SH3BP4: variants seen among roughly 807,000 people sequenced by gnomAD.
SH3BP4 encodes the protein SH3 domain-binding protein 4.
Under a neutral mutation model 65.5 loss-of-function variants are expected in SH3BP4, and 33 were observed. The observed-to-expected ratio is 0.50, with a 90% CI of 0.38 to 0.67. SH3BP4 has a LOEUF of 0.67. SH3BP4 is among the 30% of genes least tolerant of loss of function. SH3BP4 has a pLI of 0.00. For synonymous variants in SH3BP4, 552 were observed against 545.5 expected, an observed-to-expected ratio of 1.01 and a Z score of -0.17; for missense variants, 1,134 against 1,261.4, an observed-to-expected ratio of 0.90 and a Z score of 1.53.
chr2:235,033,781 C>T lies in SH3BP4; in HGVS notation c.-132-1090C>T, dbSNP rs148960756. Among the ~76,000 whole-genome samples the T allele has an allele frequency of 0.012, 1,902 of 152,250 alleles. 22 individuals carry two copies. Among genetic ancestry groups the T allele is most frequent in the Non-Finnish European group, 0.017 (1,145 of 68,020 alleles). On this transcript the variant is annotated intron_variant, in intron 2 of 5. Coordinates refer to ENST00000392011, the MANE Select transcript of SH3BP4 (RefSeq NM_014521.3). The surrounding 1 kb of genome is among the most constrained non-coding windows in gnomAD (Gnocchi z 5.7). ...AGTGGGGATGGTCAGGGCTCCCACC[C>T]GGCTGCTGCAGAAACGTTGCAAAGG...
chr2:234,969,143 G>T (rs938454738), intron 1 of SH3BP4, among the ~76,000 whole-genome samples: 2 of 152,216 alleles, frequency 1.3e-5, no homozygotes, highest in African/African-American at 4.8e-5. Context: ...CCACAGGGGA[G>T]CTTTCATTTG....
At chr2:234,971,648 C>T (rs1423173163) in intron 1 of SH3BP4, among the ~76,000 whole-genome samples, 1 of 152,146 alleles carries the variant, frequency 6.6e-6, no homozygotes, top group Admixed American at 6.5e-5. Context: ...TCCTCACCAG[C>T]GTTTGTTATT....
chr2:234,961,781 AG>A (rs1692720426), intron 1 of SH3BP4, among the ~76,000 whole-genome samples: 1 of 149,796 alleles, frequency 6.7e-6, no homozygotes, highest in African/African-American at 2.5e-5. Context: ...GGTGTGGACC[AG>A]GGGCTCGATG....
intron 2 of SH3BP4, among the ~76,000 whole-genome samples, chr2:235,015,195 G>T (rs904228553): frequency 1.3e-5 from 2 of 152,196 alleles, no homozygotes; most frequent in Non-Finnish European, 2.9e-5. Context: ...AACCCAATCT[G>T]GTGTAATTCT....
In SH3BP4 at chr2:235,034,892, G is replaced by A. The variant is rs1356197488; in HGVS notation, c.-111G>A. ...TCAGGAAGAAACATATTGCCGAGTGGATGCCGCCGCGCAGCGTGTTTGCTT... is the reference window on the plus strand; with the variant it reads ...TCAGGAAGAAACATATTGCCGAGTGAATGCCGCCGCGCAGCGTGTTTGCTT... On this transcript the variant is annotated 5_prime_UTR_variant, in exon 3 of 6. An upstream open reading frame in the 5' UTR gains an earlier in-frame stop. Coordinates refer to ENST00000392011, the MANE Select transcript of SH3BP4 (RefSeq NM_014521.3). This position sits in a 1 kb window ranked among gnomAD's most constrained non-coding sequence, Gnocchi z 6.2. The A allele has an allele frequency of 5.9e-6, 5 of 849,356 alleles. No individual in the cohort carries two copies. Among genetic ancestry groups the A allele is most frequent in the Non-Finnish European group, 9.4e-6 (5 of 532,600 alleles). 52.6% of individuals were successfully genotyped at this position (849,356 alleles called of 1,614,324 possible).
At chr2:235,053,183 G>A (rs1696117512) in intron 5 of SH3BP4, among the ~76,000 whole-genome samples, 1 of 152,196 alleles carries the variant, frequency 6.6e-6, no homozygotes, top group Admixed American at 6.5e-5. Flanking sequence ...GTTCTCGCAT[G>A]TTTGTGGAGG....
chr2:235,036,754 A>G (rs1695398342), intron 3 of SH3BP4, among the ~76,000 whole-genome samples: 1 of 151,274 alleles, frequency 6.6e-6, no homozygotes. Flanking sequence ...AATAATAATA[A>G]TAATGACAGT....
chr2:234,991,124 A>G lies in SH3BP4; in HGVS notation c.-206-4179A>G, dbSNP rs968358300. On this transcript the variant is annotated intron_variant, in intron 1 of 5. Transcript: ENST00000392011. The surrounding 1 kb of genome is among the most constrained non-coding windows in gnomAD (Gnocchi z 4.2). The stretch of plus-strand genomic sequence containing the variant: ...TACAAATTTGGGGGGATGCAATTCC[A>G]TCTATACCATTGGGAAATGGGGTGA... Among the ~76,000 whole-genome samples, 2 of 152,108 alleles carry G rather than the reference A, an allele frequency of 1.3e-5. No homozygotes were observed. The highest frequency in any genetic ancestry group is 1.3e-4 in the Admixed American group (2 of 15,278).
In SH3BP4 at chr2:235,045,754, C is replaced by T. The variant is rs1695838497; in HGVS notation, c.2478+2507C>T. Among the ~76,000 whole-genome samples the T allele has an allele frequency of 6.6e-6, 1 of 152,144 alleles. No individual in the cohort carries two copies. Among genetic ancestry groups the T allele is most frequent in the Non-Finnish European group, 1.5e-5 (1 of 68,038 alleles). Reference sequence around the variant, plus strand: ...TGTCATCACAGGGCTGCCACGATTTCTGCGGCCTCTGCCACCGCTTTACCT... The same window carrying T: ...TGTCATCACAGGGCTGCCACGATTTTTGCGGCCTCTGCCACCGCTTTACCT... On this transcript the variant is annotated intron_variant, in intron 4 of 5. Coordinates refer to ENST00000392011, the MANE Select transcript of SH3BP4 (RefSeq NM_014521.3). The surrounding 1 kb of genome is among the most constrained non-coding windows in gnomAD (Gnocchi z 4.3).
chr2:234,992,446 C>T (rs540155891), intron 1 of SH3BP4, among the ~76,000 whole-genome samples: 12 of 152,336 alleles, frequency 7.9e-5, no homozygotes, highest in Non-Finnish European at 1.8e-4. Context: ...GCATTGTGGG[C>T]CCCTGGAGAT....
intron 5 of SH3BP4, among the ~76,000 whole-genome samples, chr2:235,053,137 C>T (rs1246293247): frequency 6.6e-6 from 1 of 152,226 alleles, no homozygotes; most frequent in Non-Finnish European, 1.5e-5. Context: ...TGGGCCAAAG[C>T]CGGTGTGGCC....
chr2:235,044,308 G>A (rs1047985966), intron 4 of SH3BP4, among the ~76,000 whole-genome samples: 2 of 152,240 alleles, frequency 1.3e-5, no homozygotes, highest in Admixed American at 6.5e-5. Context: ...TGGCCCACGA[G>A]CCAACCGGGG....
At chr2:234,972,005 C>T (rs111895555) in intron 1 of SH3BP4, among the ~76,000 whole-genome samples, 14 of 151,614 alleles carry the variant, frequency 9.2e-5, no homozygotes, top group African/African-American at 2.9e-4. Flanking sequence ...TTAGTAGAGA[C>T]GGGGTTTCAC....
In SH3BP4 at chr2:235,041,063, C is replaced by T; in HGVS notation, c.294C>T (p.Thr98=). The change falls in exon 4 of 6, where the codon ACC becomes ACT. Residue 98 remains threonine, a synonymous_variant. Transcript: ENST00000392011. This position sits in a 1 kb window ranked among gnomAD's most constrained non-coding sequence, Gnocchi z 6.0. ...GTGAGTGGTGGTACGCACACAACAC[C>T]ACCGAAATGGGCTACATCCCCTCCT... is the stretch of plus-strand genomic sequence containing the variant. ...SGGEWWYAHN[T]TEMGYIPSSY... The T allele has an allele frequency of 4.3e-6, 7 of 1,614,104 alleles. No homozygotes were observed. Among genetic ancestry groups the T allele is most frequent in the Non-Finnish European group, 5.9e-6 (7 of 1,180,010 alleles).
chr2:235,009,271 C>T (rs370664384), intron 2 of SH3BP4, among the ~76,000 whole-genome samples: 37 of 152,140 alleles, frequency 2.4e-4, no homozygotes, highest in Admixed American at 4.6e-4. Context: ...GTCTGTCTGC[C>T]GTGGGCCTCC....
At chr2:235,048,887 C>T (rs963784903) in intron 4 of SH3BP4, among the ~76,000 whole-genome samples, 2 of 152,196 alleles carry the variant, frequency 1.3e-5, no homozygotes, top group African/African-American at 2.4e-5. Context: ...AGCAGTCCAT[C>T]GAGTGTTTCC....
intron 1 of SH3BP4, among the ~76,000 whole-genome samples, chr2:234,971,332 A>G (rs1692994703): frequency 6.6e-6 from 1 of 152,232 alleles, no homozygotes; most frequent in Admixed American, 6.5e-5. Context: ...ATCATGTTAC[A>G]GTTGAAGGCT....
chr2:235,045,687 C>G lies in SH3BP4; in HGVS notation c.2478+2440C>G, dbSNP rs1450528312. Among the ~76,000 whole-genome samples the G allele has an allele frequency of 1.3e-5, 2 of 149,336 alleles. No individual in the cohort carries two copies. The highest frequency in any genetic ancestry group is 4.4e-4 in the South Asian group (2 of 4,564). ...AACCACAGACGGATTTCTCCCAGGT[C>G]GTTTATTAGGAGACCCTGAAAACTG... On this transcript the variant is annotated intron_variant, in intron 4 of 5. Coordinates refer to ENST00000392011, the MANE Select transcript of SH3BP4 (RefSeq NM_014521.3). This position sits in a 1 kb window ranked among gnomAD's most constrained non-coding sequence, Gnocchi z 4.3.
intron 2 of SH3BP4, among the ~76,000 whole-genome samples, chr2:235,012,204 G>A (rs1181898739): frequency 1.3e-5 from 2 of 152,294 alleles, no homozygotes; most frequent in African/African-American, 4.8e-5. Context: ...CACAAGAACG[G>A]CAACTGGGAT....
Sources: gnomAD v4.1 joint callset for allele counts (sites outside exome capture counted in the v4.1 genomes callset) on GRCh38, gnomAD v4.1.1 for gene constraint, Gnocchi (gnomAD v3.1) non-coding constraint, MANE v1.5 for transcripts, NCBI Gene and HGNC (gene_info 2026-07-23, HGNC 2026-07-21) for gene names.